USP22: variants seen among roughly 807,000 people sequenced by gnomAD.
USP22 encodes the protein ubiquitin specific peptidase 22.
Under a neutral mutation model 68.1 loss-of-function variants are expected in USP22, and 22 were observed. That is an observed-to-expected ratio of 0.32 (90% CI 0.23 to 0.46). The LOEUF (loss-of-function observed/expected upper bound fraction) is 0.46. Ranked by LOEUF, USP22 falls within the 20% of genes least tolerant of loss-of-function variation. USP22 has a pLI of 1.00. For missense variants in USP22, 433 were observed against 695.8 expected, an observed-to-expected ratio of 0.62 and a Z score of 4.25; for synonymous variants, 279 against 274.2, an observed-to-expected ratio of 1.02 and a Z score of -0.17.
rs145823251 is a variant in USP22, at chr17:21,028,173, G to A, written c.304+369C>T. ...ATCACCTATGCCCACCCAACCCCACGCCAGCCTCAGCGACCTCATATTGCA... is the reference window on the plus strand; with the variant it reads ...ATCACCTATGCCCACCCAACCCCACACCAGCCTCAGCGACCTCATATTGCA... On this transcript the variant is annotated intron_variant, in intron 2 of 12. Coordinates refer to ENST00000261497, the MANE Select transcript of USP22 (RefSeq NM_015276.2). Among the ~76,000 whole-genome samples, 20 of 152,162 alleles carry A rather than the reference G, an allele frequency of 1.3e-4. No individual in the cohort carries two copies. In the East Asian group the frequency reaches 3.7e-3, roughly 28 times the overall value.
intron 9 of USP22, 53 bp from the exon 10 acceptor site, chr17:21,007,040 A>C: frequency 1.7e-5 from 25 of 1,495,760 alleles, no homozygotes; most frequent in Non-Finnish European, 2.2e-5. Context: ...CAGAAATGTC[A>C]CTGGAAGCTT....
At chr17:21,028,733 G>A in intron 1 of USP22, 59 bp from the exon 2 acceptor site, 5 of 1,579,138 alleles carry the variant, frequency 3.2e-6, no homozygotes, top group East Asian at 2.3e-5. Context: ...GTGCTCAGAG[G>A]AAACAGTCAA....
intron 8 of USP22, among the ~76,000 whole-genome samples, chr17:21,008,476 G>A (rs113992507): frequency 3.7e-4 from 57 of 152,290 alleles, no homozygotes; most frequent in African/African-American, 1.2e-3. Context: ...CCCTGGATGC[G>A]TCCCCAGAGA....
intron 3 of USP22, among the ~76,000 whole-genome samples, chr17:21,020,909 A>G (rs1029109714): frequency 1.3e-5 from 2 of 152,148 alleles, no homozygotes; most frequent in African/African-American, 4.8e-5. Context: ...ACGGGCAGCT[A>G]TGCATGCCTC....
chr17:21,018,704 G>GA (rs66686216), intron 4 of USP22, among the ~76,000 whole-genome samples: 111,338 of 150,202 alleles, frequency 0.74, 41,665 homozygotes, highest in South Asian at 0.82. Flanking sequence ...TCTCAAAAAA[G>GA]AAAAAGAAAA....
Position 21,015,879 on chromosome 17 carries a change from G to A in USP22, c.711C>T (p.Ser237=). Residue 237 remains serine (S), a synonymous_variant, in exon 6 of 13, where the codon TCC becomes TCT. Coordinates refer to ENST00000261497, the MANE Select transcript of USP22 (RefSeq NM_015276.2). Reference sequence around the variant, plus strand: ...GCAGCAACTTATACGGGATGTGAGGGGACCGGTGTCCAGAGTAAAACTGCC... The same window carrying A: ...GCAGCAACTTATACGGGATGTGAGGAGACCGGTGTCCAGAGTAAAACTGCC... ...LFQEFYSGHR[S]PHIPYKLLHL... The A allele has an allele frequency of 6.2e-7, 1 of 1,614,058 alleles. No homozygotes were observed. Among genetic ancestry groups the A allele is most frequent in the South Asian group, 1.1e-5 (1 of 91,052 alleles).
chr17:21,025,956 T>C (rs547908249), intron 2 of USP22, among the ~76,000 whole-genome samples: 10 of 152,300 alleles, frequency 6.6e-5, no homozygotes, highest in African/African-American at 2.4e-4. Flanking sequence ...CACCGACTTG[T>C]AGACTTAAAA....
chr17:21,006,906 T>C lies in USP22; in HGVS notation c.1312A>G (p.Met438Val). The change falls in exon 10 of 13, where the codon ATG (methionine) becomes GTG (valine). Residue 438 changes from methionine to valine, a missense_variant. Physicochemically the swap from Met to Val is conservative, Grantham distance 21. Around this residue, in one of 4 missense-constraint regions of USP22, gnomAD observed 178 missense variants for 351.5 expected, o/e 0.51. Transcript: ENST00000261497. The stretch of plus-strand genomic sequence containing the variant: ...TACAACCCCACATACCTGGAGGCCA[T>C]GAAAGGGGTCATGTCCAGCTCCAGG... ...FPLELDMTPF[M>V]ASSKESRMNG... 1 of 1,605,912 alleles carries C rather than the reference T, an allele frequency of 6.2e-7. No individual in the cohort carries two copies. The highest frequency in any genetic ancestry group is 1.1e-5 in the South Asian group (1 of 89,552).
Position 21,018,026 on chromosome 17 carries a change from G to T in USP22, c.606C>A (p.Asp202Glu). 1 of 1,614,136 alleles carries T rather than the reference G, an allele frequency of 6.2e-7. No homozygotes were observed. Among genetic ancestry groups the T allele is most frequent in the Non-Finnish European group, 8.5e-7 (1 of 1,180,044 alleles). ...QALTHTPLLR[D>E]FFLSDRHRCE... ...AGCGGTGCCTGTCAGACAGGAAGAA[G>T]TCCCGCAGAAGTGGCGTGTGGGTCA... Residue 202 changes from aspartate (D) to glutamate (E), a missense_variant, in exon 5 of 13, where the codon GAC (aspartate) becomes GAA (glutamate). Asp to Glu is a conservative substitution (Grantham distance 45). This residue lies in a region of USP22 where 144 missense variants were observed against 237.2 expected (regional missense o/e 0.61). Transcript: ENST00000261497.
chr17:21,042,316 T>C lies in USP22; in HGVS notation c.171+349A>G, dbSNP rs552399835. ...CCCCCGGCCCGGAAGCACTCGCCCC[T>C]CCCGGGCCAAGAAGGATAAGGGAGG... On this transcript the variant is annotated intron_variant, in intron 1 of 12. Transcript: ENST00000261497. 944 of 144,068 alleles carry C rather than the reference T, an allele frequency of 6.6e-3. 16 individuals carry two copies. Among genetic ancestry groups the C allele is most frequent in the African/African-American group, 0.031 (899 of 29,118 alleles). 8.9% of individuals were successfully genotyped at this position (144,068 alleles called of 1,614,324 possible). A position where few individuals can be genotyped will look rare whatever the true frequency, so the allele number is the denominator to read the frequency against.
At chr17:21,005,273 G>A in intron 10 of USP22, 1 of 404,052 alleles carries the variant, frequency 2.5e-6, no homozygotes, top group Non-Finnish European at 4.5e-6. Flanking sequence ...AGCTGGATCT[G>A]GAGGAATGTG....
At chr17:21,038,170 G>A (rs929372202) in intron 1 of USP22, among the ~76,000 whole-genome samples, 1 of 152,092 alleles carries the variant, frequency 6.6e-6, no homozygotes, top group African/African-American at 2.4e-5. Context: ...AGGCCGAAGT[G>A]AATCTCCTAA....
intron 12 of USP22, among the ~76,000 whole-genome samples, chr17:21,003,635 C>T (rs1227582508): frequency 6.6e-6 from 1 of 152,124 alleles, no homozygotes; most frequent in Non-Finnish European, 1.5e-5. Flanking sequence ...GGCCCGGTGG[C>T]TCATGCCTGT....
rs1913556280 is a variant in USP22 at position 21,001,008 on chromosome 17, CCACT to C, written c.*2019_*2022del. 1 of 147,710 alleles carries C rather than the reference CCACT, an allele frequency of 6.8e-6. No homozygotes were observed. The highest frequency in any genetic ancestry group is 2.2e-4 in the South Asian group (1 of 4,566). 9.1% of individuals were successfully genotyped at this position (147,710 alleles called of 1,614,324 possible). A position where few individuals can be genotyped will look rare whatever the true frequency, so the allele number is the denominator to read the frequency against. On this transcript the variant is annotated 3_prime_UTR_variant, in exon 13 of 13. Transcript: ENST00000261497. ...GAGGTTGCAGTGAGCCGAGACTGTGCCACTCACTCCAGCCTGGGCAACAAACTCC... is the reference window on the plus strand; with the variant it reads ...GAGGTTGCAGTGAGCCGAGACTGTGCCACTCCAGCCTGGGCAACAAACTCC...
At chr17:21,024,971 A>G (rs1277121457) in intron 2 of USP22, among the ~76,000 whole-genome samples, 1 of 152,192 alleles carries the variant, frequency 6.6e-6, no homozygotes, top group Non-Finnish European at 1.5e-5. Flanking sequence ...AGTGTCTTGA[A>G]AAGAAAAAAG....
intron 6 of USP22, 68 bp downstream of exon 6, chr17:21,015,684 C>T (rs1017981703): frequency 6.6e-6 from 10 of 1,524,882 alleles, no homozygotes; most frequent in African/African-American, 4.1e-5. Context: ...TGCATACACT[C>T]GCTTTGCTTC....
rs1163012861 is a variant in USP22 at position 21,042,871 on chromosome 17, G to A, written c.-36C>T. 1 of 1,219,182 alleles carries A rather than the reference G, an allele frequency of 8.2e-7. No homozygotes were observed. The highest frequency in any genetic ancestry group is 1.0e-6 in the Non-Finnish European group (1 of 974,340). The allele number at this position is 1,219,182 out of a possible 1,614,324, so 75.5% of individuals were successfully genotyped here. ...GCCCGGCCGCGCGCGGGGGGCGGCG[G>A]CGAGGGAGGCGAGGACGACGCCAGC... On this transcript the variant is annotated 5_prime_UTR_variant, in exon 1 of 13. Transcript: ENST00000261497.
At chr17:21,017,029 T>C (rs1370052088) in intron 5 of USP22, among the ~76,000 whole-genome samples, 1 of 152,222 alleles carries the variant, frequency 6.6e-6, no homozygotes, top group African/African-American at 2.4e-5. Context: ...ATTTGGGCCG[T>C]GTCCCCAGCA....
At chr17:21,041,908 C>G (rs1416850539) in intron 1 of USP22, among the ~76,000 whole-genome samples, 1 of 152,222 alleles carries the variant, frequency 6.6e-6, no homozygotes, top group Non-Finnish European at 1.5e-5. Context: ...CAAGTCTACT[C>G]CTCAGCCGCA....
Sources: allele counts gnomAD v4.1 joint callset (sites outside exome capture counted in the v4.1 genomes callset), GRCh38; gene constraint gnomAD v4.1.1; regional missense constraint gnomAD v4.1.1; transcripts MANE v1.5; gene names NCBI Gene and HGNC (gene_info 2026-07-23, HGNC 2026-07-21).